KCNH4: variants seen among roughly 807,000 people sequenced by gnomAD.
KCNH4 encodes voltage-gated delayed rectifier potassium channel KCNH4.
A neutral mutation model predicts 90.7 loss-of-function variants in KCNH4; 33 were observed. The ratio of observed to expected loss-of-function variants is 0.36; its 90% CI spans 0.28 to 0.49. KCNH4 has a LOEUF of 0.49. Ranked by LOEUF, KCNH4 falls within the 20% of genes least tolerant of loss-of-function variation. KCNH4 has a pLI of 0.98. For missense variants in KCNH4, 1,044 were observed against 1,387.1 expected, an observed-to-expected ratio of 0.75 and a Z score of 3.93; for synonymous variants, 551 against 581.7, an observed-to-expected ratio of 0.95 and a Z score of 0.76.
rs869250233 is a variant in KCNH4 at position 42,176,509 on chromosome 17, C to CTTTTTTT, written c.586-219_586-213dup. Among the ~76,000 whole-genome samples, 65 of 68,458 alleles carry CTTTTTTT rather than the reference C, an allele frequency of 9.5e-4. 7 individuals carry two copies. The highest frequency in any genetic ancestry group is 3.2e-3 in the African/African-American group (48 of 15,170). 44.9% of individuals were successfully genotyped at this position (68,458 alleles called of 152,430 possible). ...GCCAAGTATTTCCCAGGCCCTCCTC[C>CTTTTTTT]TTTTTTTTTTTTTTTTTTTTTTTTT... is the stretch of plus-strand genomic sequence containing the variant. On this transcript the variant is annotated intron_variant, in intron 4 of 16. Transcript: ENST00000264661.
intron 11 of KCNH4, 90 bp from the exon 12 acceptor site, chr17:42,164,258 G>A: frequency 1.7e-6 from 2 of 1,180,870 alleles, no homozygotes; most frequent in Non-Finnish European, 2.3e-6. Flanking sequence ...GTGTTATGGG[G>A]TTGAGAATGT....
chr17:42,179,140 G>GT, intron 1 of KCNH4, 114 bp from the exon 2 acceptor site: 1 of 695,612 alleles, frequency 1.4e-6, no homozygotes, highest in South Asian at 1.8e-5. Context: ...AGCTTCCCAG[G>GT]TTTCCATGTT....
chr17:42,162,457 C>A, intron 14 of KCNH4, 136 bp from the exon 15 acceptor site: 1 of 662,464 alleles, frequency 1.5e-6, no homozygotes, highest in Non-Finnish European at 2.6e-6. Context: ...GATGGGAAAC[C>A]TAAACTCCTT....
chr17:42,180,851 C>T lies in KCNH4; in HGVS notation c.76+19G>A, dbSNP rs773083813. On this transcript the variant is annotated intron_variant, in intron 1 of 16. Coordinates refer to ENST00000264661, the MANE Select transcript of KCNH4 (RefSeq NM_012285.3). The surrounding 1 kb of genome is among the most constrained non-coding windows in gnomAD (Gnocchi z 4.7). Reference sequence around the variant, plus strand: ...GCCCCCCAGCTCGAACCTCAAGCCCCGACCTCCGTCCCACTCACGCGTTCC... The same window carrying T: ...GCCCCCCAGCTCGAACCTCAAGCCCTGACCTCCGTCCCACTCACGCGTTCC... 2 of 1,613,072 alleles carry T rather than the reference C, an allele frequency of 1.2e-6. No homozygotes were observed. The highest frequency in any genetic ancestry group is 1.7e-5 in the Admixed American group (1 of 59,990).
chr17:42,170,231 C>A lies in KCNH4; in HGVS notation c.1266G>T (p.Arg422=). ...ACAGTGCCGCGATGTAGGCGCTGCGCCGTGATGGGCCGCCCACCGAGCCAT... is the reference window on the plus strand; with the variant it reads ...ACAGTGCCGCGATGTAGGCGCTGCGACGTGATGGGCCGCCCACCGAGCCAT... ...YVNGSVGGPS[R]RSAYIAALYF... Residue 422 remains arginine, a synonymous_variant, in exon 8 of 17, where the codon CGG becomes CGT. Transcript: ENST00000264661. The A allele has an allele frequency of 1.2e-6, 2 of 1,610,130 alleles. No individual in the cohort carries two copies. Among genetic ancestry groups the A allele is most frequent in the South Asian group, 2.2e-5 (2 of 91,050 alleles).
At chr17:42,169,093 T>A (rs953101451) in intron 9 of KCNH4, among the ~76,000 whole-genome samples, 3 of 150,584 alleles carry the variant, frequency 2.0e-5, no homozygotes, top group South Asian at 4.2e-4. Flanking sequence ...TTATTTATTT[T>A]TTTTGAGACA....
At chr17:42,167,512 C>T (rs549452653) in intron 9 of KCNH4, among the ~76,000 whole-genome samples, 7 of 152,184 alleles carry the variant, frequency 4.6e-5, no homozygotes, top group African/African-American at 1.4e-4. Flanking sequence ...GTGATCTGCC[C>T]GCCTCAGCCT....
At chr17:42,174,491 G>A (rs1416679847) in intron 6 of KCNH4, among the ~76,000 whole-genome samples, 3 of 152,158 alleles carry the variant, frequency 2.0e-5, no homozygotes, top group Non-Finnish European at 2.9e-5. Flanking sequence ...TCAGAGCCTC[G>A]AGGCAGACGT....
intron 15 of KCNH4, among the ~76,000 whole-genome samples, chr17:42,160,920 CTTTTTTTTTTTTTTT>C (rs57677761): frequency 2.7e-5 from 2 of 73,408 alleles, no homozygotes; most frequent in East Asian, 9.7e-4. Context: ...TTTTCTTTTT[CTTTTTTTTTTTTTTT>C]TTTTTTTTTT....
chr17:42,162,060 G>A (rs1356637672), intron 15 of KCNH4, among the ~76,000 whole-genome samples, 188 bp downstream of exon 15: 1 of 150,724 alleles, frequency 6.6e-6, no homozygotes, highest in African/African-American at 2.4e-5. Context: ...AGGTTCAAGC[G>A]ATTCTCCTGC....
chr17:42,162,532 C>T (rs1311210439), intron 14 of KCNH4, among the ~76,000 whole-genome samples: 2 of 152,090 alleles, frequency 1.3e-5, no homozygotes, highest in African/African-American at 2.4e-5. Context: ...CATCTTGGTA[C>T]GGAGCTTCTC....
intron 15 of KCNH4, 65 bp downstream of exon 15, chr17:42,162,183 T>G: frequency 4.9e-6 from 7 of 1,422,586 alleles, no homozygotes; most frequent in South Asian, 1.2e-5. Context: ...TGACCTCAAG[T>G]GAGCCACGTG....
chr17:42,169,440 G>A (rs770802320), intron 9 of KCNH4, 37 bp downstream of exon 9: 16 of 1,598,128 alleles, frequency 1.0e-5, no homozygotes, highest in African/African-American at 2.7e-5. Flanking sequence ...AGGGCCACGC[G>A]GAGGGCAAGG....
Position 42,163,438 on chromosome 17 carries a change from G to A in KCNH4, c.2478-104C>T, listed in dbSNP as rs1480381457. 1.1e-6 allele frequency: 1 copy of A among 885,076 alleles called. No individual in the cohort carries two copies. 54.8% of individuals were successfully genotyped at this position (885,076 alleles called of 1,614,324 possible). A position where few individuals can be genotyped will look rare whatever the true frequency, so the allele number is the denominator to read the frequency against. Reference sequence around the variant, plus strand: ...GCAGCAGTGCCAGGGGGCGGAGCAAGAGCAGCAGTCAAAGTGGGTTGGGGT... The same window carrying A: ...GCAGCAGTGCCAGGGGGCGGAGCAAAAGCAGCAGTCAAAGTGGGTTGGGGT... On this transcript the variant is annotated intron_variant, in intron 13 of 16. Transcript: ENST00000264661. The surrounding 1 kb of genome is among the most constrained non-coding windows in gnomAD (Gnocchi z 5.4).
intron 9 of KCNH4, 34 bp from the exon 10 acceptor site, chr17:42,166,580 C>T: frequency 6.3e-7 from 1 of 1,584,204 alleles, no homozygotes; most frequent in Non-Finnish European, 8.6e-7. Context: ...CTGGCCATCC[C>T]CCTGCAGCTA....
At chr17:42,158,843 T>A (rs28800269) in intron 16 of KCNH4, among the ~76,000 whole-genome samples, 107,151 of 148,640 alleles carry the variant, frequency 0.72, 38,668 homozygotes, top group South Asian at 0.74. Flanking sequence ...TATAAAAAAA[T>A]ATATATATAT....
rs150832136 is a variant in KCNH4 at position 42,169,824 on chromosome 17, G to A, written c.1391-148C>T. On this transcript the variant is annotated intron_variant, in intron 8 of 16. Coordinates refer to ENST00000264661, the MANE Select transcript of KCNH4 (RefSeq NM_012285.3). ...CACTAGACTAAGGGTGGGGAATAGG[G>A]AGTGGTCCAGAGATGGGTAACACCC... is the stretch of plus-strand genomic sequence containing the variant. 433 of 787,708 alleles carry A rather than the reference G, an allele frequency of 5.5e-4. 7 individuals carry two copies. The East Asian group carries it at 0.011, about 21-fold the overall frequency. 48.8% of individuals were successfully genotyped at this position (787,708 alleles called of 1,614,324 possible). A position where few individuals can be genotyped will look rare whatever the true frequency, so the allele number is the denominator to read the frequency against.
chr17:42,176,011 C>T (rs1295882118), intron 5 of KCNH4, 43 bp downstream of exon 5: 20 of 1,558,946 alleles, frequency 1.3e-5, no homozygotes, highest in Non-Finnish European at 1.7e-5. Context: ...CAAGTGGATC[C>T]CCCCAGCCGA....
At chr17:42,164,241 C>T in intron 11 of KCNH4, 73 bp from the exon 12 acceptor site, 1 of 1,343,284 alleles carries the variant, frequency 7.4e-7, no homozygotes, top group Non-Finnish European at 1.0e-6. Context: ...CCCTGTCCCA[C>T]CCAACAGTGT....
Sources: gnomAD v4.1 joint callset for allele counts (sites outside exome capture counted in the v4.1 genomes callset) on GRCh38, gnomAD v4.1.1 for gene constraint, Gnocchi (gnomAD v3.1) non-coding constraint, MANE v1.5 for transcripts, NCBI Gene and HGNC (gene_info 2026-07-23, HGNC 2026-07-21) for gene names.